Variants in IGF2BP3 observed in about 807,000 individuals in gnomAD.
The protein encoded by IGF2BP3 is insulin like growth factor 2 mRNA binding protein 3.
A neutral mutation model predicts 73.8 loss-of-function variants in IGF2BP3; 9 were observed. The observed-to-expected ratio is 0.12, with a 90% CI of 0.07 to 0.21. The LOEUF (loss-of-function observed/expected upper bound fraction) is 0.21, where lower values mean the gene tolerates loss of function less well. Among genes scored for constraint, IGF2BP3 ranks in the 10% least tolerant of loss-of-function variants. The pLI is 1.00. For missense variants in IGF2BP3, 542 were observed against 714.0 expected, an observed-to-expected ratio of 0.76 and a Z score of 2.75; for synonymous variants, 258 against 256.7, an observed-to-expected ratio of 1.01 and a Z score of -0.05.
At chr7:23,422,513 C>A (rs1787379824) in intron 2 of IGF2BP3, among the ~76,000 whole-genome samples, 1 of 152,140 alleles carries the variant, frequency 6.6e-6, no homozygotes, top group South Asian at 2.1e-4. Context: ...TATAATCATG[C>A]CACTGTACTC....
At chr7:23,403,334 A>G (rs1174015107) in intron 3 of IGF2BP3, among the ~76,000 whole-genome samples, 1 of 152,232 alleles carries the variant, frequency 6.6e-6, no homozygotes, top group Non-Finnish European at 1.5e-5. Context: ...CATTATGCCT[A>G]AACTCTGATC....
intron 6 of IGF2BP3, among the ~76,000 whole-genome samples, chr7:23,348,142 A>G (rs1378093903): frequency 1.3e-5 from 2 of 152,210 alleles, no homozygotes; most frequent in Non-Finnish European, 2.9e-5. Context: ...TCTGCACAGT[A>G]TATCATTCTT....
chr7:23,312,774 T>C lies in IGF2BP3; in HGVS notation c.1602A>G (p.Gln534=), dbSNP rs781517765. Residue 534 remains glutamine (Q), a synonymous_variant, in exon 14 of 15, where the codon CAA becomes CAG. Coordinates refer to ENST00000258729, the MANE Select transcript of IGF2BP3 (RefSeq NM_006547.3). ...AGTGACCAGTTATTTTGACAACCAC[T>C]TGGTCATTCTCATCAGGTGTCTGGT... ...PRDQTPDEND[Q]VVVKITGHFY... is the part of the protein sequence containing the mutation. 34 of 1,612,104 alleles carry C rather than the reference T, an allele frequency of 2.1e-5. No individual in the cohort carries two copies. The highest frequency in any genetic ancestry group is 6.6e-5 in the South Asian group (6 of 90,652).
intron 3 of IGF2BP3, among the ~76,000 whole-genome samples, chr7:23,373,926 T>A (rs1308487171): frequency 6.6e-6 from 1 of 152,210 alleles, no homozygotes; most frequent in Non-Finnish European, 1.5e-5. Flanking sequence ...TTGCTCCCTC[T>A]CATGCCATGT....
chr7:23,453,020 G>A (rs1475863752), intron 2 of IGF2BP3, among the ~76,000 whole-genome samples: 4 of 152,144 alleles, frequency 2.6e-5, no homozygotes, highest in Admixed American at 1.3e-4. Flanking sequence ...GCTGAGGCAC[G>A]AGAATCCCTT....
intron 2 of IGF2BP3, among the ~76,000 whole-genome samples, chr7:23,462,492 G>C (rs1450444555): frequency 6.6e-6 from 1 of 151,962 alleles, no homozygotes; most frequent in Non-Finnish European, 1.5e-5. Flanking sequence ...CTACCGCGTA[G>C]CTGGGACTAA....
At chr7:23,464,265 CT>C (rs1311166457) in intron 2 of IGF2BP3, among the ~76,000 whole-genome samples, 1 of 152,174 alleles carries the variant, frequency 6.6e-6, no homozygotes, top group Non-Finnish European at 1.5e-5. Flanking sequence ...ACCCCGATGA[CT>C]TTTATAAGTT....
chr7:23,462,982 T>G (rs1323335916), intron 2 of IGF2BP3, among the ~76,000 whole-genome samples: 1 of 152,166 alleles, frequency 6.6e-6, no homozygotes, highest in Non-Finnish European at 1.5e-5. Flanking sequence ...GCTGAGATCT[T>G]AACTAAGAAT....
chr7:23,376,050 C>T (rs1260954898), intron 3 of IGF2BP3, among the ~76,000 whole-genome samples: 2 of 152,166 alleles, frequency 1.3e-5, no homozygotes, highest in African/African-American at 4.8e-5. Context: ...TACCACACTA[C>T]ATGAAAACAC....
chr7:23,399,006 T>A (rs547050598), intron 3 of IGF2BP3, among the ~76,000 whole-genome samples: 18 of 152,338 alleles, frequency 1.2e-4, no homozygotes, highest in Admixed American at 7.2e-4. Flanking sequence ...CTGAATGGTA[T>A]TGCCTACGTT....
chr7:23,336,356 T>C (rs1784572738), intron 10 of IGF2BP3, among the ~76,000 whole-genome samples: 1 of 152,062 alleles, frequency 6.6e-6, no homozygotes, highest in Non-Finnish European at 1.5e-5. Flanking sequence ...AAGCTTCTCA[T>C]CAGCAAGTAT....
intron 6 of IGF2BP3, among the ~76,000 whole-genome samples, chr7:23,349,274 G>A (rs941826822): frequency 6.6e-5 from 10 of 152,096 alleles, no homozygotes; most frequent in African/African-American, 2.4e-4. Flanking sequence ...ACTTGATCAT[G>A]CCAATAAAAT....
At chr7:23,456,973 C>T (rs974331576) in intron 2 of IGF2BP3, among the ~76,000 whole-genome samples, 13 of 152,038 alleles carry the variant, frequency 8.6e-5, no homozygotes, top group Non-Finnish European at 1.8e-4. Flanking sequence ...CCCTTGAAAC[C>T]GGGAGGCGGA....
At position 23,470,055 on chromosome 7, in the gene IGF2BP3, T is replaced by C. The variant is rs1044219622; in HGVS notation, c.56A>G (p.Glu19Gly). ...LSENAAPSDL[E>G]SIFKDAKIPV... Reference sequence around the variant, plus strand: ...GATCTTGGCGTCCTTGAAGATACTTTCTAGGTCCGAGGGGGCGGCGTTCTC... The same window carrying C: ...GATCTTGGCGTCCTTGAAGATACTTCCTAGGTCCGAGGGGGCGGCGTTCTC... Residue 19 changes from glutamate (E) to glycine (G), a missense_variant, in exon 1 of 15, where the codon GAA becomes GGA. By Grantham distance (98) the Glu-to-Gly change is moderately conservative (BLOSUM62 -2). Around this residue, in one of 2 missense-constraint regions of IGF2BP3, gnomAD observed 239 missense variants for 241.9 expected, o/e 0.99. Transcript: ENST00000258729. 6.2e-7 allele frequency: 1 copy of C among 1,611,480 alleles called. No homozygotes were observed. Among genetic ancestry groups the C allele is most frequent in the Non-Finnish European group, 8.5e-7 (1 of 1,179,458 alleles).
intron 2 of IGF2BP3, among the ~76,000 whole-genome samples, chr7:23,447,204 C>T (rs759497160): frequency 2.6e-5 from 4 of 151,780 alleles, no homozygotes; most frequent in Non-Finnish European, 5.9e-5. Context: ...CTGACTGACA[C>T]ACACACACAC....
intron 3 of IGF2BP3, among the ~76,000 whole-genome samples, chr7:23,384,682 G>A (rs1413646628): frequency 6.6e-6 from 1 of 152,096 alleles, no homozygotes; most frequent in East Asian, 1.9e-4. Flanking sequence ...CTTGAACCCA[G>A]GAGTTCAAGA....
At chr7:23,415,636 G>T in intron 3 of IGF2BP3, 1 of 186,308 alleles carries the variant, frequency 5.4e-6, no homozygotes, top group South Asian at 8.3e-5. Context: ...TGAACAAGAT[G>T]TATAACTCCT....
chr7:23,384,292 A>G (rs274027), intron 3 of IGF2BP3, among the ~76,000 whole-genome samples: 25,026 of 151,492 alleles, frequency 0.17, 5,389 homozygotes, highest in African/African-American at 0.5. Context: ...GTGGGGTGAT[A>G]GGGGTTCAGT....
intron 3 of IGF2BP3, among the ~76,000 whole-genome samples, chr7:23,417,903 A>T (rs751684008): frequency 1.3e-5 from 2 of 152,212 alleles, no homozygotes; most frequent in Admixed American, 6.5e-5. Flanking sequence ...TGCAAAGCTT[A>T]ATCTCAATAA....
Sources: gnomAD v4.1 joint callset for allele counts (sites outside exome capture counted in the v4.1 genomes callset) on GRCh38, gnomAD v4.1.1 for gene constraint, gnomAD v4.1.1 regional missense constraint, MANE v1.5 for transcripts, NCBI Gene and HGNC (gene_info 2026-07-23, HGNC 2026-07-21) for gene names.